Variants in WFDC8 observed in about 807,000 individuals in gnomAD.
The protein encoded by WFDC8 is WAP four-disulfide core domain protein 8.
In WFDC8, 24 loss-of-function variants were observed where a neutral mutation model predicts 27.0. The ratio of observed to expected loss-of-function variants is 0.89; its 90% CI spans 0.64 to 1.25. The LOEUF (loss-of-function observed/expected upper bound fraction) is 1.25. Ranked by LOEUF, WFDC8 falls within the 50% of genes most tolerant of loss-of-function variation. WFDC8 has a pLI of 0.00. For synonymous variants in WFDC8, 106 were observed against 99.7 expected (o/e 1.06, Z -0.38); for missense variants, 287 against 295.9 (o/e 0.97, Z 0.22).
intron 1 of WFDC8, among the ~76,000 whole-genome samples, chr20:45,562,647 G>T (rs991352280): frequency 5.9e-5 from 9 of 152,140 alleles, no homozygotes; most frequent in African/African-American, 2.2e-4. Flanking sequence ...TTCCCAGAGG[G>T]CCTGGGCACA....
chr20:45,553,961 G>T (rs1234463039), intron 4 of WFDC8, among the ~76,000 whole-genome samples: 1 of 152,164 alleles, frequency 6.6e-6, no homozygotes, highest in Non-Finnish European at 1.5e-5. Context: ...CGTTAGGGGA[G>T]TGATGGTAAG....
At chr20:45,568,475 G>T in intron 1 of WFDC8, 2 of 313,246 alleles carry the variant, frequency 6.4e-6, no homozygotes, top group South Asian at 3.0e-5. Flanking sequence ...GTTTCATATG[G>T]CCTTCAGCTT....
rs773995186 is a variant in WFDC8, at chr20:45,555,777, G to A, written c.369C>T (p.Phe123=). ...FDFKNYRCTP[F]KYRGCEGNAN... ...CATTCCCTTCGCAGCCCCTGTATTT[G>A]AAGGGTGTGCAGCGGTAATTTTTAA... Residue 123 remains phenylalanine, a synonymous_variant, in exon 4 of 6, where the codon TTC becomes TTT. Coordinates refer to ENST00000289953, the MANE Select transcript of WFDC8 (RefSeq NM_130896.3). The A allele has an allele frequency of 3.1e-6, 5 of 1,613,708 alleles. No homozygotes were observed. The highest frequency in any genetic ancestry group is 1.8e-4 in the Middle Eastern group (1 of 5,714).
At chr20:45,555,666 A>T (rs762857125) in intron 4 of WFDC8, 35 bp downstream of exon 4, 3 of 1,609,908 alleles carry the variant, frequency 1.9e-6, no homozygotes, top group Admixed American at 3.3e-5. Context: ...TTCTAGTTAA[A>T]CTAGACCCTC....
chr20:45,561,591 T>C (rs1271723431), intron 2 of WFDC8, among the ~76,000 whole-genome samples: 1 of 152,198 alleles, frequency 6.6e-6, no homozygotes, highest in East Asian at 1.9e-4. Context: ...CCAAACCCTG[T>C]CTCCTGCCTC....
rs1338873674 is a variant in WFDC8 at position 45,553,325 on chromosome 20, C to G, written c.446-49G>C. ...TTCTTAAAACCCCACCCCCATCCCA[C>G]CACCCTTCAAAGAGCCTTTCCTTCT... On this transcript the variant is annotated intron_variant, in intron 4 of 5. Transcript: ENST00000289953. 5 of 1,578,544 alleles carry G rather than the reference C, an allele frequency of 3.2e-6. No individual in the cohort carries two copies. In the Admixed American group the frequency reaches 8.8e-5, roughly 28 times the overall value.
At position 45,552,157 on chromosome 20, in the gene WFDC8, CT is replaced by C; in HGVS notation, c.594del (p.Gly199ValfsTer36). 6.2e-7 allele frequency: 1 copy of C among 1,613,344 alleles called. No individual in the cohort carries two copies. The highest frequency in any genetic ancestry group is 8.5e-7 in the Non-Finnish European group (1 of 1,179,720). On this transcript the variant is annotated frameshift_variant, in exon 6 of 6. Coordinates refer to ENST00000289953, the MANE Select transcript of WFDC8 (RefSeq NM_130896.3). LOFTEE classifies it low-confidence loss of function (END_TRUNC). ...AGCAAGGGCTTGCGTGGGCAGAAAC[CT>C]TTTTTGACTTTATGGGGTAAAAGAA... ...FVCARAWTVK[K>X]GFCPRKPLLC...
intron 4 of WFDC8, among the ~76,000 whole-genome samples, chr20:45,554,510 G>A (rs371211995): frequency 1.1e-4 from 16 of 152,290 alleles, no homozygotes; most frequent in African/African-American, 3.6e-4. Flanking sequence ...TCATCTGACT[G>A]CAAATTCTAC....
chr20:45,554,170 GTGTTTT>G (rs577405736), intron 4 of WFDC8, among the ~76,000 whole-genome samples: 3,922 of 151,574 alleles, frequency 0.026, 162 homozygotes, highest in African/African-American at 0.091. Flanking sequence ...TTTTGTTGTT[GTGTTTT>G]TGTTTTTGTT....
At chr20:45,574,753 G>A (rs1417911339) in intron 1 of WFDC8, among the ~76,000 whole-genome samples, 5 of 152,232 alleles carry the variant, frequency 3.3e-5, no homozygotes, top group Non-Finnish European at 5.9e-5. Flanking sequence ...AACCAAGATC[G>A]TGCCGCTGCA....
chr20:45,556,804 C>T (rs1980273840), intron 3 of WFDC8, among the ~76,000 whole-genome samples: 1 of 152,146 alleles, frequency 6.6e-6, no homozygotes, highest in Non-Finnish European at 1.5e-5. Flanking sequence ...ATTTCTCAAT[C>T]ATATTGTGAC....
chr20:45,564,250 G>T (rs1174608119), intron 1 of WFDC8, among the ~76,000 whole-genome samples: 2 of 150,604 alleles, frequency 1.3e-5, no homozygotes, highest in African/African-American at 4.9e-5. Flanking sequence ...GACAGACCTG[G>T]AATACACGGA....
chr20:45,561,963 G>T (rs1451060600), intron 2 of WFDC8, 147 bp downstream of exon 2: 1 of 661,062 alleles, frequency 1.5e-6, no homozygotes, highest in Non-Finnish European at 2.6e-6. Flanking sequence ...TATGTGGAGG[G>T]CCAGGGTCGT....
intron 2 of WFDC8, among the ~76,000 whole-genome samples, chr20:45,560,448 C>T (rs912229549): frequency 5.3e-5 from 8 of 152,180 alleles, no homozygotes; most frequent in East Asian, 1.9e-4. Context: ...TAATTTGTTA[C>T]GTAGCAAAGG....
intron 4 of WFDC8, among the ~76,000 whole-genome samples, chr20:45,553,514 G>T (rs1472303383): frequency 6.6e-6 from 1 of 152,158 alleles, no homozygotes; most frequent in Non-Finnish European, 1.5e-5. Context: ...CTGCTACTTG[G>T]TGAGTTTCCT....
intron 1 of WFDC8, among the ~76,000 whole-genome samples, chr20:45,574,707 A>G (rs996723706): frequency 2.6e-5 from 4 of 152,230 alleles, no homozygotes; most frequent in African/African-American, 9.6e-5. Flanking sequence ...CTGAGGCACA[A>G]GAATTACTTG....
At chr20:45,555,169 C>G (rs1980192627) in intron 4 of WFDC8, among the ~76,000 whole-genome samples, 1 of 152,192 alleles carries the variant, frequency 6.6e-6, no homozygotes, top group Non-Finnish European at 1.5e-5. Flanking sequence ...GATTTAAATT[C>G]AGGTCATTTG....
intron 1 of WFDC8, among the ~76,000 whole-genome samples, chr20:45,576,337 G>A (rs924515910): frequency 1.3e-5 from 2 of 150,986 alleles, no homozygotes; most frequent in Non-Finnish European, 3.0e-5. Flanking sequence ...CTGGTGAACT[G>A]AGTCTTTTAC....
rs112761908 is a variant in WFDC8, at chr20:45,561,229, A to G, written c.136+881T>C. Reference sequence around the variant, plus strand: ...GATCTGGTCTCAGCTGTCTTCTGACATTACTTGACACATACTTCCTGGGTA... The same window carrying G: ...GATCTGGTCTCAGCTGTCTTCTGACGTTACTTGACACATACTTCCTGGGTA... On this transcript the variant is annotated intron_variant, in intron 2 of 5. Coordinates refer to ENST00000289953, the MANE Select transcript of WFDC8 (RefSeq NM_130896.3). Among the ~76,000 whole-genome samples the G allele has an allele frequency of 3.2e-3, 492 of 152,230 alleles. 2 individuals carry two copies. The highest frequency in any genetic ancestry group is 0.011 in the African/African-American group (470 of 41,560).
Sources: allele counts gnomAD v4.1 joint callset (sites outside exome capture counted in the v4.1 genomes callset), GRCh38; gene constraint gnomAD v4.1.1; transcripts MANE v1.5; gene names NCBI Gene and HGNC (gene_info 2026-07-23, HGNC 2026-07-21).